TYR: variants seen among roughly 807,000 people sequenced by gnomAD.
TYR encodes LB24-AB.
A neutral mutation model predicts 51.5 loss-of-function variants in TYR; 58 were observed. That is an observed-to-expected ratio of 1.13 (90% CI 0.91 to 1.40). The LOEUF (loss-of-function observed/expected upper bound fraction) is 1.40, where lower values mean the gene tolerates loss of function less well. Ranked by LOEUF, TYR falls within the 40% of genes most tolerant of loss-of-function variation. TYR has a pLI of 0.00. For synonymous variants in TYR, 263 were observed against 235.2 expected (o/e 1.12, Z -1.08); for missense variants, 732 against 647.4 (o/e 1.13, Z -1.42).
At chr11:89,251,917 T>C (rs1335531310) in intron 3 of TYR, among the ~76,000 whole-genome samples, 1 of 151,814 alleles carries the variant, frequency 6.6e-6, no homozygotes, top group Non-Finnish European at 1.5e-5. Context: ...AGTGTTGAGG[T>C]ATGGAGGTGA....
chr11:89,261,423 C>T (rs1944455141), intron 3 of TYR, among the ~76,000 whole-genome samples: 1 of 151,714 alleles, frequency 6.6e-6, no homozygotes, highest in Non-Finnish European at 1.5e-5. Context: ...ATACTAATAC[C>T]AGACAAAACA....
At chr11:89,265,716 T>C (rs1944518268) in intron 3 of TYR, among the ~76,000 whole-genome samples, 1 of 152,022 alleles carries the variant, frequency 6.6e-6, no homozygotes, top group African/African-American at 2.4e-5. Context: ...AGGAATCCTT[T>C]TCTCCATGTT....
At chr11:89,222,726 G>A (rs141923843) in intron 2 of TYR, among the ~76,000 whole-genome samples, 2 of 151,848 alleles carry the variant, frequency 1.3e-5, no homozygotes, top group East Asian at 3.9e-4. Flanking sequence ...GCAACAGAGT[G>A]AGACTCCATC....
At chr11:89,197,718 A>C (rs1422387879) in intron 2 of TYR, among the ~76,000 whole-genome samples, 2 of 152,116 alleles carry the variant, frequency 1.3e-5, no homozygotes, top group East Asian at 3.9e-4. Flanking sequence ...TAGTATACAG[A>C]ATCAGAAGCT....
At chr11:89,289,596 C>A (rs1232781891) in intron 4 of TYR, among the ~76,000 whole-genome samples, 4 of 151,904 alleles carry the variant, frequency 2.6e-5, no homozygotes, top group East Asian at 3.9e-4. Flanking sequence ...AGACAGAGTG[C>A]CCCCCAACTC....
chr11:89,177,921 G>A lies in TYR; in HGVS notation c.-33G>A, dbSNP rs374849426. On this transcript the variant is annotated 5_prime_UTR_variant, in exon 1 of 5. Coordinates refer to ENST00000263321, the MANE Select transcript of TYR (RefSeq NM_000372.5). ...AGAAATCTGTGACTCCAATTAGCCA[G>A]TTCCTGCAGACCTTGTGAGGACTAG... 6.2e-7 allele frequency: 1 copy of A among 1,607,254 alleles called. No homozygotes were observed. Among genetic ancestry groups the A allele is most frequent in the South Asian group, 1.1e-5 (1 of 90,872 alleles).
chr11:89,236,478 T>C (rs1944115381), intron 3 of TYR, among the ~76,000 whole-genome samples: 2 of 152,326 alleles, frequency 1.3e-5, no homozygotes, highest in Admixed American at 1.3e-4. Flanking sequence ...GCATAATTAT[T>C]AAAATAACTC....
chr11:89,262,847 C>CAAAAAAAAAAAAAAAAAAAA (rs771958187), intron 3 of TYR, among the ~76,000 whole-genome samples: 2 of 19,302 alleles, frequency 1.0e-4, no homozygotes, highest in African/African-American at 3.0e-4. Flanking sequence ...GCTACTCATC[C>CAAAAAAAAAAAAAAAAAAAA]AAAAAAAAAA....
intron 3 of TYR, among the ~76,000 whole-genome samples, chr11:89,233,047 T>C (rs1565406915): frequency 7.0e-6 from 1 of 143,720 alleles, no homozygotes; most frequent in East Asian, 2.0e-4. Flanking sequence ...TGCTGTATGA[T>C]AGCATTTTAC....
intron 2 of TYR, among the ~76,000 whole-genome samples, chr11:89,192,255 C>G (rs565743654): frequency 6.6e-6 from 1 of 152,220 alleles, no homozygotes; most frequent in African/African-American, 2.4e-5. Context: ...ACCCATTTCA[C>G]TCACATAAAT....
At chr11:89,208,503 T>G (rs1943704431) in intron 2 of TYR, among the ~76,000 whole-genome samples, 1 of 152,136 alleles carries the variant, frequency 6.6e-6, no homozygotes, top group African/African-American at 2.4e-5. Flanking sequence ...GAGAAAAGAC[T>G]TAGGGAGGAC....
rs1358748206 is a variant in TYR at position 89,250,205 on chromosome 11, G to C, written c.1184+22235G>C. Among the ~76,000 whole-genome samples, 3 of 152,094 alleles carry C rather than the reference G, an allele frequency of 2.0e-5. No individual in the cohort carries two copies. The East Asian group carries it at 5.8e-4, about 29-fold the overall frequency. ...GTCTGGACAACAGGAAAGAACTATAGTGTCATGAGTTTCATTATTATCTGC... is the reference window on the plus strand; with the variant it reads ...GTCTGGACAACAGGAAAGAACTATACTGTCATGAGTTTCATTATTATCTGC... On this transcript the variant is annotated intron_variant, in intron 3 of 4. Transcript: ENST00000263321.
At chr11:89,238,669 A>G (rs1246397102) in intron 3 of TYR, among the ~76,000 whole-genome samples, 12 of 152,124 alleles carry the variant, frequency 7.9e-5, no homozygotes. Context: ...TCTTCCTGAT[A>G]TGAGACAAAA....
intron 1 of TYR, 44 bp from the exon 2 acceptor site, chr11:89,191,158 C>T (rs779545969): frequency 7.6e-6 from 12 of 1,573,434 alleles, no homozygotes; most frequent in East Asian, 6.7e-5. Flanking sequence ...CCTACTGACT[C>T]AGTGGTGGTG....
At chr11:89,274,258 ATTAAT>A (rs1185929722) in intron 3 of TYR, among the ~76,000 whole-genome samples, 1 of 151,906 alleles carries the variant, frequency 6.6e-6, no homozygotes, top group Non-Finnish European at 1.5e-5. Flanking sequence ...GACCTATTGA[ATTAAT>A]TTTAGGACAA....
intron 1 of TYR, among the ~76,000 whole-genome samples, chr11:89,182,308 T>C (rs1943310393): frequency 6.6e-6 from 1 of 152,312 alleles, no homozygotes; most frequent in Non-Finnish European, 1.5e-5. Context: ...ATACATAAAA[T>C]ATTAAACTCT....
chr11:89,243,475 T>G (rs1418307754), intron 3 of TYR, among the ~76,000 whole-genome samples: 1 of 152,176 alleles, frequency 6.6e-6, no homozygotes, highest in Non-Finnish European at 1.5e-5. Context: ...CTCCAAGAAT[T>G]TGGGGGCTAA....
intron 1 of TYR, among the ~76,000 whole-genome samples, chr11:89,180,857 A>G (rs1422743634): frequency 6.6e-6 from 1 of 152,170 alleles, no homozygotes; most frequent in Non-Finnish European, 1.5e-5. Context: ...CTCTCTGGTT[A>G]CAAAGTCCTT....
rs554777664 is a variant in TYR, at chr11:89,185,102, C to A, written c.820-6100C>A. Among the ~76,000 whole-genome samples, 18 of 152,260 alleles carry A rather than the reference C, an allele frequency of 1.2e-4. No homozygotes were observed. The South Asian group carries it at 3.5e-3, about 30-fold the overall frequency. ...CAAATTATTATTCTATACGTCTCGC[C>A]TACTGTTCACAAAATTATAAATCAT... On this transcript the variant is annotated intron_variant, in intron 1 of 4. Coordinates refer to ENST00000263321, the MANE Select transcript of TYR (RefSeq NM_000372.5).
Sources: gnomAD v4.1 joint callset for allele counts (sites outside exome capture counted in the v4.1 genomes callset) on GRCh38, gnomAD v4.1.1 for gene constraint, MANE v1.5 for transcripts, NCBI Gene and HGNC (gene_info 2026-07-23, HGNC 2026-07-21) for gene names.